Variants in AQP11 observed in about 807,000 individuals in gnomAD.
AQP11 encodes aquaporin-11.
In AQP11, 20 loss-of-function variants were observed where a neutral mutation model predicts 21.1. The ratio of observed to expected loss-of-function variants is 0.95; its 90% CI spans 0.67 to 1.38. AQP11 has a LOEUF of 1.38. Ranked by LOEUF, AQP11 falls within the 40% of genes most tolerant of loss-of-function variation. The pLI is 0.00. For missense variants in AQP11, 339 were observed against 340.4 expected (o/e 1.00, Z 0.03); for synonymous variants, 167 against 150.1 (o/e 1.11, Z -0.82).
At chr11:77,596,928 A>G (rs1342822077) in intron 1 of AQP11, among the ~76,000 whole-genome samples, 2 of 152,090 alleles carry the variant, frequency 1.3e-5, no homozygotes, top group African/African-American at 4.8e-5. Flanking sequence ...CCTCATCTCT[A>G]AAATGAAGAA....
At chr11:77,598,805 C>T (rs965584261) in intron 1 of AQP11, among the ~76,000 whole-genome samples, 8 of 152,114 alleles carry the variant, frequency 5.3e-5, no homozygotes, top group Admixed American at 2.0e-4. Flanking sequence ...CCCTCTGTCT[C>T]GCAGGTTCAA....
At chr11:77,597,555 G>T (rs1307820055) in intron 1 of AQP11, among the ~76,000 whole-genome samples, 1 of 152,114 alleles carries the variant, frequency 6.6e-6, no homozygotes, top group African/African-American at 2.4e-5. Context: ...CTGGATGACA[G>T]AGTGAGAATC....
intron 1 of AQP11, among the ~76,000 whole-genome samples, chr11:77,602,281 A>G (rs1958819840): frequency 6.6e-6 from 1 of 152,236 alleles, no homozygotes; most frequent in Non-Finnish European, 1.5e-5. Flanking sequence ...CATGCCTAAA[A>G]GTCACAGGTC....
chr11:77,596,523 TAA>T, intron 1 of AQP11, among the ~76,000 whole-genome samples: 1 of 119,882 alleles, frequency 8.3e-6, no homozygotes, highest in African/African-American at 3.2e-5. Context: ...AATATATATG[TAA>T]ATATATATGT....
chr11:77,594,362 C>T (rs1397622198), intron 1 of AQP11, among the ~76,000 whole-genome samples: 3 of 152,102 alleles, frequency 2.0e-5, no homozygotes, highest in African/African-American at 7.2e-5. Flanking sequence ...TTGTGAAACT[C>T]CAAGAGGAGG....
intron 2 of AQP11, 144 bp downstream of exon 2, chr11:77,603,816 ATACTTTGTGTAGTATCCTTTAAAAC>A (rs1179222133): frequency 6.6e-5 from 39 of 588,382 alleles, no homozygotes; most frequent in Non-Finnish European, 9.4e-5. Flanking sequence ...GCCTGAAATA[ATACTTTGTGTAGTATCCTTTAAAAC>A]TGTTAAAGGT....
intron 1 of AQP11, among the ~76,000 whole-genome samples, chr11:77,594,575 T>C (rs980189306): frequency 6.6e-6 from 1 of 152,252 alleles, no homozygotes; most frequent in Non-Finnish European, 1.5e-5. Context: ...TTACAAGTTA[T>C]TATGATATGT....
intron 2 of AQP11, among the ~76,000 whole-genome samples, chr11:77,606,214 A>C (rs1056502366): frequency 6.6e-6 from 1 of 152,142 alleles, no homozygotes; most frequent in Non-Finnish European, 1.5e-5. Context: ...AAGAATTTTA[A>C]AAAGGAATCT....
Position 77,609,563 on chromosome 11 carries a change from T to C in AQP11, c.*186T>C. ...ATTACTGTGAAAATGAGGTATTCTG[T>C]ACTTCTCAGTTAAGACTTGTTCTTT... On this transcript the variant is annotated 3_prime_UTR_variant, in exon 3 of 3. Coordinates refer to ENST00000313578, the MANE Select transcript of AQP11 (RefSeq NM_173039.3). The C allele has an allele frequency of 2.2e-6, 1 of 445,574 alleles. No homozygotes were observed. Among genetic ancestry groups the C allele is most frequent in the South Asian group, 6.1e-5 (1 of 16,264 alleles). 27.6% of individuals were successfully genotyped at this position (445,574 alleles called of 1,614,324 possible).
At chr11:77,593,161 A>C (rs1187932173) in intron 1 of AQP11, among the ~76,000 whole-genome samples, 1 of 152,216 alleles carries the variant, frequency 6.6e-6, no homozygotes, top group Middle Eastern at 3.2e-3. Context: ...GTCTGTTTGC[A>C]TGGGTAGAAC....
chr11:77,600,777 C>T (rs1190404975), intron 1 of AQP11, among the ~76,000 whole-genome samples: 2 of 152,120 alleles, frequency 1.3e-5, no homozygotes, highest in Non-Finnish European at 2.9e-5. Context: ...CTTTGGGAGG[C>T]CGAGGCGGGC....
chr11:77,600,211 C>T (rs1235775441), intron 1 of AQP11, among the ~76,000 whole-genome samples: 1 of 151,220 alleles, frequency 6.6e-6, no homozygotes, highest in Non-Finnish European at 1.5e-5. Context: ...TCAGGCGATA[C>T]ACCCACCTCG....
chr11:77,600,335 A>C (rs965422190), intron 1 of AQP11, among the ~76,000 whole-genome samples: 1 of 152,144 alleles, frequency 6.6e-6, no homozygotes, highest in Non-Finnish European at 1.5e-5. Context: ...AAAAAGTATC[A>C]TACCTTACTC....
intron 1 of AQP11, among the ~76,000 whole-genome samples, chr11:77,602,623 A>G (rs890548981): frequency 3.3e-5 from 5 of 152,354 alleles, no homozygotes; most frequent in South Asian, 2.1e-4. Context: ...CTTCATCTCA[A>G]CACAGCTTCA....
Position 77,590,288 on chromosome 11 carries a change from A to G in AQP11, c.296A>G (p.Asn99Ser), listed in dbSNP as rs776955511. Reference sequence around the variant, plus strand: ...CTGACTCTGGTGGGCACGTCCAGCAACCCGTGCGGCGTGATGATGCAGATG... The same window carrying G: ...CTGACTCTGGTGGGCACGTCCAGCAGCCCGTGCGGCGTGATGATGCAGATG... ...HGLTLVGTSS[N>S]PCGVMMQMML... Residue 99 changes from asparagine (N) to serine (S), a missense_variant, in exon 1 of 3, where the codon AAC becomes AGC. Transcript: ENST00000313578. 2 of 1,604,734 alleles carry G rather than the reference A, an allele frequency of 1.2e-6. No homozygotes were observed. Among genetic ancestry groups the G allele is most frequent in the South Asian group, 1.1e-5 (1 of 90,328 alleles).
At position 77,609,374 on chromosome 11, in the gene AQP11, A is replaced by G. The variant is rs755826741; in HGVS notation, c.813A>G (p.Glu271=). 6 of 1,610,858 alleles carry G rather than the reference A, an allele frequency of 3.7e-6. No individual in the cohort carries two copies. The highest frequency in any genetic ancestry group is 2.2e-5 in the East Asian group (1 of 44,790). Residue 271 remains glutamate (E), a synonymous_variant, in exon 3 of 3, where the codon GAA becomes GAG. Transcript: ENST00000313578. ...LHNNHTINKK[E] ...ACAACCATACAATTAATAAAAAGGAATAACTGTTCCAAAGACTCAGACTAA... is the reference window on the plus strand; with the variant it reads ...ACAACCATACAATTAATAAAAAGGAGTAACTGTTCCAAAGACTCAGACTAA...
At chr11:77,609,233 C>A in intron 2 of AQP11, 65 bp from the exon 3 acceptor site, 8 of 1,219,452 alleles carry the variant, frequency 6.6e-6, no homozygotes, top group Non-Finnish European at 9.4e-6. Context: ...TTAAAATATA[C>A]CCACCTAGTG....
chr11:77,591,172 A>G, intron 1 of AQP11: 1 of 950,662 alleles, frequency 1.1e-6, no homozygotes. Flanking sequence ...ATTCATTTTG[A>G]GTTATACATG....
chr11:77,606,702 C>T (rs1027796244), intron 2 of AQP11, among the ~76,000 whole-genome samples: 1 of 152,150 alleles, frequency 6.6e-6, no homozygotes, highest in African/African-American at 2.4e-5. Flanking sequence ...TATGCCCCCA[C>T]ACCCAGCTAA....
Sources: allele counts gnomAD v4.1 joint callset (sites outside exome capture counted in the v4.1 genomes callset), GRCh38; gene constraint gnomAD v4.1.1; transcripts MANE v1.5; gene names NCBI Gene and HGNC (gene_info 2026-07-23, HGNC 2026-07-21).